Variants in SCML4 observed in about 807,000 individuals in gnomAD.
SCML4 encodes Scm polycomb group protein like 4.
A neutral mutation model predicts 41.1 loss-of-function variants in SCML4; 34 were observed. The observed-to-expected ratio is 0.83, with a 90% CI of 0.63 to 1.10. The LOEUF is 1.10. Among genes scored for constraint, SCML4 ranks in the 50% least tolerant of loss-of-function variants. The pLI, the probability that SCML4 is intolerant of heterozygous loss-of-function variation, is 0.00. For missense variants in SCML4, 522 were observed against 534.1 expected (o/e 0.98, Z 0.22); for synonymous variants, 214 against 220.9 (o/e 0.97, Z 0.28).
rs1206492732 is a variant in SCML4 at position 107,804,049 on chromosome 6, C to CAAAA, written c.-60+20073_-60+20076dup. ...AGAAACACCCAAGAATGATCAATAACAAAAAAAAAAAGAAAAAGAAAAAAA... is the reference window on the plus strand; with the variant it reads ...AGAAACACCCAAGAATGATCAATAACAAAAAAAAAAAAAAAGAAAAAGAAAAAAA... On this transcript the variant is annotated intron_variant, in intron 1 of 7. Transcript: ENST00000369020. Among the ~76,000 whole-genome samples the CAAAA allele has an allele frequency of 1.3e-4, 10 of 79,372 alleles. No homozygotes were observed. In the South Asian group the frequency reaches 2.3e-3, roughly 18 times the overall value. 52.1% of individuals were successfully genotyped at this position (79,372 alleles called of 152,430 possible). A position where few individuals can be genotyped will look rare whatever the true frequency, so the allele number is the denominator to read the frequency against.
rs143453893 is a variant in SCML4 at position 107,817,738 on chromosome 6, C to T, written c.-60+6388G>A. On this transcript the variant is annotated intron_variant, in intron 1 of 7. Transcript: ENST00000369020. The stretch of plus-strand genomic sequence containing the variant: ...TGGGTTCATGCCAAATGACTTCTAA[C>T]TAAAAGAGAGGGCCCTAGAAAGAAA... 7.0e-3 allele frequency among the ~76,000 whole-genome samples: 1,059 copies of T among 150,388 alleles called. 15 individuals carry two copies. Among genetic ancestry groups the T allele is most frequent in the African/African-American group, 0.024 (1,004 of 41,052 alleles).
chr6:107,726,568 C>G (rs1776005952), intron 5 of SCML4, among the ~76,000 whole-genome samples: 1 of 144,844 alleles, frequency 6.9e-6, no homozygotes, highest in Admixed American at 7.0e-5. Context: ...ATTATTCTAG[C>G]TCAATAAAAA....
chr6:107,763,719 G>A (rs545939349), intron 2 of SCML4, among the ~76,000 whole-genome samples: 76 of 152,310 alleles, frequency 5.0e-4, no homozygotes, highest in African/African-American at 1.8e-3. Flanking sequence ...GAGGAAGAGA[G>A]GCCAGAGCTT....
At chr6:107,761,880 A>G (rs943962111) in intron 2 of SCML4, among the ~76,000 whole-genome samples, 3 of 152,066 alleles carry the variant, frequency 2.0e-5, no homozygotes, top group Non-Finnish European at 4.4e-5. Context: ...TTATCACTAC[A>G]GGGCCTATAT....
At chr6:107,758,842 T>C (rs1434463826) in intron 2 of SCML4, among the ~76,000 whole-genome samples, 1 of 152,178 alleles carries the variant, frequency 6.6e-6, no homozygotes, top group Non-Finnish European at 1.5e-5. Context: ...GCCACCCAGT[T>C]GGTAGTTCTT....
chr6:107,759,360 C>G (rs569513977), intron 2 of SCML4, among the ~76,000 whole-genome samples: 1 of 151,752 alleles, frequency 6.6e-6, no homozygotes. Context: ...TACATACATA[C>G]ATACATAAGG....
intron 5 of SCML4, among the ~76,000 whole-genome samples, chr6:107,722,826 A>G (rs892085789): frequency 1.3e-5 from 2 of 152,250 alleles, no homozygotes; most frequent in Non-Finnish European, 1.5e-5. Flanking sequence ...AGCTGTAAAT[A>G]CTTCTGTTAA....
chr6:107,822,397 C>T (rs1319259485), intron 1 of SCML4, among the ~76,000 whole-genome samples: 2 of 151,954 alleles, frequency 1.3e-5, no homozygotes, highest in African/African-American at 2.4e-5. Flanking sequence ...TCCCTCGCCT[C>T]GAAAACACAC....
intron 1 of SCML4, among the ~76,000 whole-genome samples, chr6:107,807,121 C>G (rs867907722): frequency 6.7e-6 from 1 of 148,770 alleles, no homozygotes; most frequent in South Asian, 2.1e-4. Flanking sequence ...GTGCTAACAG[C>G]TTTTGATTTA....
At chr6:107,730,285 T>G (rs1460611341) in intron 5 of SCML4, among the ~76,000 whole-genome samples, 1 of 152,228 alleles carries the variant, frequency 6.6e-6, no homozygotes, top group Non-Finnish European at 1.5e-5. Flanking sequence ...ATCTAACTCC[T>G]GCACACAGAG....
intron 1 of SCML4, among the ~76,000 whole-genome samples, chr6:107,773,733 A>AT (rs752367753): frequency 1.3e-5 from 2 of 152,308 alleles, no homozygotes; most frequent in East Asian, 1.9e-4. Context: ...ATGTTCAGGA[A>AT]TGTGATGAGT....
chr6:107,845,526 G>A, the SCML4 span, among the ~76,000 whole-genome samples: 1 of 152,214 alleles, frequency 6.6e-6, no homozygotes. Flanking sequence ...TCAAACGAAT[G>A]GAGGAAAAGG....
At chr6:107,811,959 T>C (rs1304228051) in intron 1 of SCML4, among the ~76,000 whole-genome samples, 1 of 152,188 alleles carries the variant, frequency 6.6e-6, no homozygotes, top group Admixed American at 6.5e-5. Context: ...GACTTAACAC[T>C]AAATAGTGAG....
At chr6:107,758,165 G>A (rs1348099770) in intron 2 of SCML4, among the ~76,000 whole-genome samples, 2 of 152,218 alleles carry the variant, frequency 1.3e-5, no homozygotes, top group Non-Finnish European at 2.9e-5. Context: ...TGTGAATGGG[G>A]AAGATAAACT....
upstream of SCML4, among the ~76,000 whole-genome samples, chr6:107,827,057 C>G (rs1303217980): frequency 6.7e-6 from 1 of 148,182 alleles, no homozygotes; most frequent in Non-Finnish European, 1.5e-5. Context: ...AGCGAGACTC[C>G]GTCTCAAAAA....
At chr6:107,770,852 T>C (rs1780457185) in intron 2 of SCML4, among the ~76,000 whole-genome samples, 1 of 152,198 alleles carries the variant, frequency 6.6e-6, no homozygotes, top group South Asian at 2.1e-4. Flanking sequence ...TCAGTATGTT[T>C]CTTCGAATCC....
chr6:107,733,216 G>T (rs75807773), intron 5 of SCML4, among the ~76,000 whole-genome samples: 2,270 of 152,298 alleles, frequency 0.015, 61 homozygotes, highest in African/African-American at 0.051. Context: ...GCCCCTAAGT[G>T]TTGGGGGTAA....
At chr6:107,810,861 C>T (rs1256188263) in intron 1 of SCML4, among the ~76,000 whole-genome samples, 5 of 152,066 alleles carry the variant, frequency 3.3e-5, no homozygotes, top group Admixed American at 2.0e-4. Flanking sequence ...CCAGGCTGGT[C>T]TACTCCAGGG....
At chr6:107,734,594 G>A (rs1484696589) in intron 5 of SCML4, among the ~76,000 whole-genome samples, 2 of 152,170 alleles carry the variant, frequency 1.3e-5, no homozygotes, top group African/African-American at 4.8e-5. Flanking sequence ...TTAAAAAAGA[G>A]ATTACATTTT....
Sources: gnomAD v4.1 joint callset for allele counts (sites outside exome capture counted in the v4.1 genomes callset) on GRCh38, gnomAD v4.1.1 for gene constraint, MANE v1.5 for transcripts, NCBI Gene and HGNC (gene_info 2026-07-23, HGNC 2026-07-21) for gene names.